SUCLG2: variants seen among roughly 807,000 people sequenced by gnomAD.
SUCLG2 encodes the protein succinate-CoA ligase GDP-forming subunit beta, also known as succinate--CoA ligase [GDP-forming] subunit beta, mitochondrial.
SUCLG2 carries 42 observed loss-of-function variants against 47.9 expected under a neutral mutation model. The ratio of observed to expected loss-of-function variants is 0.88; its 90% CI spans 0.69 to 1.14. SUCLG2 has a LOEUF of 1.14. Ranked by LOEUF, SUCLG2 falls within the 50% of genes most tolerant of loss-of-function variation. SUCLG2 has a pLI of 0.00. For missense variants in SUCLG2, 571 were observed against 525.9 expected, an observed-to-expected ratio of 1.09 and a Z score of -0.84; for synonymous variants, 195 against 197.3, an observed-to-expected ratio of 0.99 and a Z score of 0.10.
intron 2 of SUCLG2, among the ~76,000 whole-genome samples, chr3:67,546,465 T>C (rs1706864692): frequency 6.6e-6 from 1 of 152,166 alleles, no homozygotes; most frequent in African/African-American, 2.4e-5. Flanking sequence ...CCGGGCAGGG[T>C]GGCTCACACC....
At chr3:67,518,408 G>T in intron 5 of SUCLG2, 72 bp from the exon 6 acceptor site, 1 of 1,412,346 alleles carries the variant, frequency 7.1e-7, no homozygotes, top group African/African-American at 1.4e-5. Context: ...AAAAGAAAAT[G>T]CTTAGTATTT....
chr3:67,465,160 TTTCTC>T (rs1447086955), intron 9 of SUCLG2, among the ~76,000 whole-genome samples: 2 of 152,152 alleles, frequency 1.3e-5, no homozygotes, highest in Non-Finnish European at 2.9e-5. Context: ...TAGTCTCTGT[TTTCTC>T]TTCCTTTTCC....
At chr3:67,644,592 A>G (rs1575840317) in intron 1 of SUCLG2, among the ~76,000 whole-genome samples, 1 of 152,090 alleles carries the variant, frequency 6.6e-6, no homozygotes, top group Non-Finnish European at 1.5e-5. Flanking sequence ...AATATATAAC[A>G]ATGTCCGAGT....
chr3:67,398,039 A>G (rs1223241367), intron 10 of SUCLG2, among the ~76,000 whole-genome samples: 1 of 150,570 alleles, frequency 6.6e-6, no homozygotes, highest in Non-Finnish European at 1.5e-5. Flanking sequence ...TTAAAGACTT[A>G]AATGTTAGAA....
At chr3:67,369,968 A>G (rs1349959305), downstream of SUCLG2, among the ~76,000 whole-genome samples, 3 of 152,202 alleles carry the variant, frequency 2.0e-5, no homozygotes, top group African/African-American at 7.2e-5. Flanking sequence ...CTACTTTCTT[A>G]TATTTTTGTC....
intron 9 of SUCLG2, among the ~76,000 whole-genome samples, chr3:67,480,847 G>A (rs1559542054): frequency 6.6e-6 from 1 of 152,190 alleles, no homozygotes; most frequent in African/African-American, 2.4e-5. Context: ...GACATACAGA[G>A]AGAAAGAAGG....
intron 2 of SUCLG2, among the ~76,000 whole-genome samples, chr3:67,553,799 G>T (rs1219019316): frequency 6.6e-6 from 1 of 151,972 alleles, no homozygotes; most frequent in Non-Finnish European, 1.5e-5. Flanking sequence ...CAAGAGTAAT[G>T]GTAACTACTC....
intron 10 of SUCLG2, among the ~76,000 whole-genome samples, chr3:67,364,968 A>T (rs1701856698): frequency 6.6e-6 from 1 of 152,240 alleles, no homozygotes; most frequent in African/African-American, 2.4e-5. Flanking sequence ...ACAGGATAGA[A>T]AGAACCAAAT....
chr3:67,534,159 C>G (rs1706475243), intron 2 of SUCLG2, among the ~76,000 whole-genome samples: 1 of 152,150 alleles, frequency 6.6e-6, no homozygotes, highest in East Asian at 1.9e-4. Context: ...GATATTATTT[C>G]AAATCAAGAA....
chr3:67,517,912 A>G (rs781062879), intron 6 of SUCLG2, among the ~76,000 whole-genome samples: 2 of 152,218 alleles, frequency 1.3e-5, no homozygotes, highest in Non-Finnish European at 2.9e-5. Flanking sequence ...TGATGAAACT[A>G]AAGTTCGAAT....
intron 1 of SUCLG2, among the ~76,000 whole-genome samples, chr3:67,645,671 AC>A (rs1177696509): frequency 6.6e-6 from 1 of 152,116 alleles, no homozygotes. Flanking sequence ...TAACAAAGAA[AC>A]ACTCATCATT....
chr3:67,641,522 A>C (rs1440757442), intron 1 of SUCLG2, among the ~76,000 whole-genome samples: 1 of 152,232 alleles, frequency 6.6e-6, no homozygotes, highest in African/African-American at 2.4e-5. Context: ...TGTTTGATCA[A>C]AAAAATCAAC....
At chr3:67,492,940 A>G (rs1705239211) in intron 9 of SUCLG2, among the ~76,000 whole-genome samples, 1 of 152,246 alleles carries the variant, frequency 6.6e-6, no homozygotes, top group Admixed American at 6.5e-5. Context: ...TGTTTACTAA[A>G]CAGAATTATC....
intron 10 of SUCLG2, among the ~76,000 whole-genome samples, chr3:67,395,298 C>T (rs1050778411): frequency 1.5e-4 from 23 of 152,210 alleles, no homozygotes; most frequent in African/African-American, 5.1e-4. Context: ...CAGAGACACA[C>T]ATAGGCTCAA....
At chr3:67,466,234 T>C (rs764820569) in intron 9 of SUCLG2, among the ~76,000 whole-genome samples, 1 of 152,124 alleles carries the variant, frequency 6.6e-6, no homozygotes, top group Non-Finnish European at 1.5e-5. Flanking sequence ...ATGCCTGTAA[T>C]CCCTGCTACT....
chr3:67,568,633 A>G (rs1707530138), intron 2 of SUCLG2, among the ~76,000 whole-genome samples: 1 of 152,200 alleles, frequency 6.6e-6, no homozygotes, highest in African/African-American at 2.4e-5. Context: ...CACGCCTGTA[A>G]TCCCAGCACT....
chr3:67,395,631 C>G (rs549024249), intron 10 of SUCLG2, among the ~76,000 whole-genome samples: 139 of 152,182 alleles, frequency 9.1e-4, no homozygotes, highest in African/African-American at 2.8e-3. Flanking sequence ...AAGTTAACAA[C>G]GATACCCAGG....
intron 2 of SUCLG2, among the ~76,000 whole-genome samples, chr3:67,541,711 T>C (rs929702810): frequency 1.3e-5 from 2 of 152,054 alleles, no homozygotes; most frequent in African/African-American, 4.8e-5. Context: ...AGACACATAA[T>C]TGTCAGATTC....
intron 2 of SUCLG2, among the ~76,000 whole-genome samples, chr3:67,547,486 C>CTGG (rs1706897047): frequency 6.6e-6 from 1 of 152,202 alleles, no homozygotes; most frequent in Non-Finnish European, 1.5e-5. Context: ...CGTCCTCAAG[C>CTGG]ACTGGTGCCC....
Sources: gnomAD v4.1 joint callset for allele counts (sites outside exome capture counted in the v4.1 genomes callset) on GRCh38, gnomAD v4.1.1 for gene constraint, MANE v1.5 for transcripts, NCBI Gene and HGNC (gene_info 2026-07-23, HGNC 2026-07-21) for gene names.